Variants in MACROD2 observed in about 807,000 individuals in gnomAD.
The protein encoded by MACROD2 is mono-ADP ribosylhydrolase 2, also known as ADP-ribose glycohydrolase MACROD2.
In MACROD2, 36 loss-of-function variants were observed where a neutral mutation model predicts 70.4. The observed-to-expected ratio is 0.51, with a 90% CI of 0.39 to 0.68. MACROD2 has a LOEUF of 0.68. Ranked by LOEUF, MACROD2 falls within the 30% of genes least tolerant of loss-of-function variation. The pLI, the probability that MACROD2 is intolerant of heterozygous loss-of-function variation, is 0.00. For missense variants in MACROD2, 496 were observed against 538.4 expected (o/e 0.92, Z 0.78); for synonymous variants, 172 against 178.8 (o/e 0.96, Z 0.30).
intron 5 of MACROD2, among the ~76,000 whole-genome samples, chr20:14,763,234 G>A (rs1348664391): frequency 1.3e-5 from 2 of 152,126 alleles, no homozygotes; most frequent in African/African-American, 2.4e-5. Flanking sequence ...CCAATAAAGA[G>A]GAAGCTAAGA....
intron 8 of MACROD2, among the ~76,000 whole-genome samples, chr20:15,512,135 G>A (rs894122797): frequency 6.6e-6 from 1 of 152,330 alleles, no homozygotes; most frequent in Middle Eastern, 3.4e-3. Context: ...GGAGTCTAGG[G>A]TTGGGGCTGT....
chr20:14,526,816 GGCCCCAGTGGGCTGAA>G (rs752448539), intron 4 of MACROD2, among the ~76,000 whole-genome samples: 111 of 152,298 alleles, frequency 7.3e-4, no homozygotes, highest in Non-Finnish European at 9.8e-4. Context: ...GAACGCTGAG[GGCCCCAGTGGGCTGAA>G]GCCCCAGTGG....
intron 5 of MACROD2, among the ~76,000 whole-genome samples, chr20:14,929,128 T>C (rs2074268052): frequency 6.6e-6 from 1 of 152,194 alleles, no homozygotes; most frequent in Admixed American, 6.5e-5. Flanking sequence ...GCGGATTTTC[T>C]ACACATTACA....
chr20:14,278,780 A>G (rs6079378), intron 3 of MACROD2, among the ~76,000 whole-genome samples: 7 of 151,956 alleles, frequency 4.6e-5, no homozygotes, highest in Non-Finnish European at 7.4e-5. Context: ...TTTGGAGTAC[A>G]TGAGTTCTGC....
intron 4 of MACROD2, among the ~76,000 whole-genome samples, chr20:14,574,961 A>C (rs1980480142): frequency 7.2e-6 from 1 of 138,250 alleles, no homozygotes; most frequent in Non-Finnish European, 1.5e-5. Context: ...CAGTGAGCCG[A>C]GATTGCGCCA....
chr20:14,190,698 ATTTTTTTTTT>A lies in MACROD2; in HGVS notation c.271+104991_271+105000del, dbSNP rs1161419446. Among the ~76,000 whole-genome samples the A allele has an allele frequency of 6.8e-4, 19 of 28,080 alleles. 1 individual carries two copies. The highest frequency in any genetic ancestry group is 2.2e-3 in the African/African-American group (18 of 8,370). 18.4% of individuals were successfully genotyped at this position (28,080 alleles called of 152,430 possible). A position where few individuals can be genotyped will look rare whatever the true frequency, so the allele number is the denominator to read the frequency against. On this transcript the variant is annotated intron_variant, in intron 3 of 17. Transcript: ENST00000684519. ...CATATATATATATATATATATATAT[ATTTTTTTTTT>A]TTTTTTTTTTTTTTTTTTTTCCAGA...
intron 8 of MACROD2, among the ~76,000 whole-genome samples, chr20:15,565,801 T>C (rs2048302554): frequency 6.6e-6 from 1 of 152,154 alleles, no homozygotes; most frequent in Admixed American, 6.6e-5. Flanking sequence ...TTGCCCAGGC[T>C]GGCCTCAAGT....
At chr20:15,998,026 C>G (rs1264385937) in intron 15 of MACROD2, among the ~76,000 whole-genome samples, 1 of 152,164 alleles carries the variant, frequency 6.6e-6, no homozygotes, top group Admixed American at 6.5e-5. Context: ...TTGAACCATC[C>G]TTGAATTCCA....
intron 4 of MACROD2, among the ~76,000 whole-genome samples, chr20:14,498,651 G>A (rs2084883140): frequency 6.6e-6 from 1 of 152,170 alleles, no homozygotes; most frequent in Non-Finnish European, 1.5e-5. Context: ...TCTTTAAAAG[G>A]CAGAGCAGAT....
intron 5 of MACROD2, among the ~76,000 whole-genome samples, chr20:14,835,365 T>C (rs1047317045): frequency 6.6e-6 from 1 of 152,104 alleles, no homozygotes. Context: ...GGATTCTATT[T>C]AATATATCAG....
At chr20:14,492,674 A>G (rs2084807951) in intron 3 of MACROD2, among the ~76,000 whole-genome samples, 1 of 152,012 alleles carries the variant, frequency 6.6e-6, no homozygotes, top group African/African-American at 2.4e-5. Flanking sequence ...CTGCTTGGCT[A>G]TTTTTCAGTG....
chr20:15,165,239 T>C (rs930014514), intron 5 of MACROD2, among the ~76,000 whole-genome samples: 5 of 152,186 alleles, frequency 3.3e-5, no homozygotes, highest in African/African-American at 1.2e-4. Context: ...GTGAATCATC[T>C]GAGGTCAGGA....
Position 15,514,172 on chromosome 20 carries a change from A to G in MACROD2, c.645+14325A>G, listed in dbSNP as rs374181525. On this transcript the variant is annotated intron_variant, in intron 8 of 17. Transcript: ENST00000684519. ...ATACAATAAGTTAAAGTTAATTTAT[A>G]TTAAAGAAACAACATTTTCAAATAA... is the stretch of plus-strand genomic sequence containing the variant. 7.9e-5 allele frequency among the ~76,000 whole-genome samples: 12 copies of G among 152,384 alleles called. No homozygotes were observed. In the South Asian group the frequency reaches 2.3e-3, roughly 29 times the overall value.
chr20:14,963,007 C>G (rs933749951), intron 5 of MACROD2, among the ~76,000 whole-genome samples: 1 of 152,150 alleles, frequency 6.6e-6, no homozygotes, highest in Non-Finnish European at 1.5e-5. Context: ...TCTTTTCCTA[C>G]TTAAATTTTT....
intron 6 of MACROD2, among the ~76,000 whole-genome samples, chr20:15,235,129 G>A (rs748682772): frequency 2.0e-5 from 3 of 152,072 alleles, no homozygotes; most frequent in Non-Finnish European, 4.4e-5. Context: ...AATGCACCCT[G>A]TCTGACATTC....
chr20:14,183,462 C>T (rs1028145762), intron 3 of MACROD2, among the ~76,000 whole-genome samples: 1 of 151,946 alleles, frequency 6.6e-6, no homozygotes, highest in Admixed American at 6.6e-5. Context: ...CATGTCTTTG[C>T]TATTATGAAT....
At chr20:15,209,406 T>TGA (rs1409990204) in intron 5 of MACROD2, among the ~76,000 whole-genome samples, 1 of 152,236 alleles carries the variant, frequency 6.6e-6, no homozygotes, top group Non-Finnish European at 1.5e-5. Flanking sequence ...TTTGCTTTTC[T>TGA]GTGAGTATTT....
chr20:15,012,347 T>C (rs1041159079), intron 5 of MACROD2, among the ~76,000 whole-genome samples: 1 of 152,098 alleles, frequency 6.6e-6, no homozygotes, highest in East Asian at 1.9e-4. Flanking sequence ...TGGCTGTTTG[T>C]TTTAACTTAA....
chr20:15,998,440 T>C (rs1021886127), intron 15 of MACROD2, among the ~76,000 whole-genome samples: 13 of 152,224 alleles, frequency 8.5e-5, no homozygotes, highest in African/African-American at 2.7e-4. Flanking sequence ...TATTCATTTC[T>C]TTTATGTTAT....
Sources: gnomAD v4.1 joint callset for allele counts (sites outside exome capture counted in the v4.1 genomes callset) on GRCh38, gnomAD v4.1.1 for gene constraint, MANE v1.5 for transcripts, NCBI Gene and HGNC (gene_info 2026-07-23, HGNC 2026-07-21) for gene names.